Variants in CNTN5 observed in about 807,000 individuals in gnomAD.
CNTN5 encodes contactin-5.
In CNTN5, 77 loss-of-function variants were observed where a neutral mutation model predicts 129.1. The observed-to-expected ratio is 0.60, with a 90% CI of 0.50 to 0.72. The LOEUF (loss-of-function observed/expected upper bound fraction) is 0.72, where lower values mean the gene tolerates loss of function less well. Ranked by LOEUF, CNTN5 falls within the 30% of genes least tolerant of loss-of-function variation. The pLI, the probability that CNTN5 is intolerant of heterozygous loss-of-function variation, is 0.00. For missense variants in CNTN5, 1,478 were observed against 1,328.8 expected (o/e 1.11, Z -1.75); for synonymous variants, 509 against 465.6 (o/e 1.09, Z -1.20).
chr11:99,051,140 C>A (rs1864411596), intron 1 of CNTN5, among the ~76,000 whole-genome samples: 1 of 151,914 alleles, frequency 6.6e-6, no homozygotes, highest in Non-Finnish European at 1.5e-5. Context: ...CTGACTTCAA[C>A]CACATTACTA....
intron 2 of CNTN5, among the ~76,000 whole-genome samples, chr11:99,472,772 G>A (rs530392787): frequency 3.4e-4 from 52 of 152,094 alleles, no homozygotes; most frequent in African/African-American, 1.2e-3. Context: ...GAGTTCAAGC[G>A]ATTCTTATTC....
intron 3 of CNTN5, among the ~76,000 whole-genome samples, chr11:99,758,174 C>A (rs1192809204): frequency 1.3e-5 from 2 of 152,026 alleles, no homozygotes; most frequent in African/African-American, 4.8e-5. Context: ...AAACACTGTC[C>A]TCAAGGTTGA....
At chr11:99,655,599 T>C (rs1952326317) in intron 3 of CNTN5, among the ~76,000 whole-genome samples, 1 of 152,118 alleles carries the variant, frequency 6.6e-6, no homozygotes, top group South Asian at 2.1e-4. Flanking sequence ...TCCCTTGAAC[T>C]GATCTTGGGG....
At chr11:99,826,784 A>G (rs1321688069) in intron 4 of CNTN5, among the ~76,000 whole-genome samples, 1 of 152,210 alleles carries the variant, frequency 6.6e-6, no homozygotes, top group African/African-American at 2.4e-5. Flanking sequence ...CTGTGTTAAC[A>G]GCAAGCCTCC....
At chr11:100,273,437 A>G (rs1950444334) in intron 18 of CNTN5, among the ~76,000 whole-genome samples, 1 of 152,104 alleles carries the variant, frequency 6.6e-6, no homozygotes. Flanking sequence ...ACCGTTGCAG[A>G]CAGAGTCTTA....
intron 2 of CNTN5, among the ~76,000 whole-genome samples, chr11:99,376,936 A>G (rs1473593984): frequency 2.6e-5 from 4 of 152,194 alleles, no homozygotes; most frequent in African/African-American, 9.6e-5. Flanking sequence ...TTTTGCAGGA[A>G]GAGAGACAAT....
chr11:99,327,206 A>T (rs1865822027), intron 2 of CNTN5, among the ~76,000 whole-genome samples: 1 of 152,172 alleles, frequency 6.6e-6, no homozygotes, highest in South Asian at 2.1e-4. Flanking sequence ...AACACAGCAC[A>T]GCAGCTGTAT....
chr11:100,255,734 C>T, intron 16 of CNTN5, 26 bp from the exon 17 acceptor site: 1 of 1,606,158 alleles, frequency 6.2e-7, no homozygotes, highest in South Asian at 1.1e-5. Flanking sequence ...TTGTGCTTAA[C>T]TTTATCCATT....
intron 3 of CNTN5, among the ~76,000 whole-genome samples, chr11:99,730,384 A>G (rs943797340): frequency 2.0e-5 from 3 of 152,208 alleles, no homozygotes; most frequent in African/African-American, 7.2e-5. Flanking sequence ...GAAGACGGAG[A>G]GAATACTATA....
intron 2 of CNTN5, among the ~76,000 whole-genome samples, chr11:99,449,155 AT>A (rs1230040346): frequency 6.6e-6 from 1 of 152,194 alleles, no homozygotes; most frequent in African/African-American, 2.4e-5. Context: ...AGAAAGAGGA[AT>A]AAAAAACTAC....
intron 1 of CNTN5, among the ~76,000 whole-genome samples, chr11:99,240,601 GA>G (rs35516751): frequency 6.6e-6 from 1 of 151,696 alleles, no homozygotes; most frequent in Admixed American, 6.6e-5. Flanking sequence ...AGCTTATTAT[GA>G]AAAAAATTTC....
At chr11:99,642,999 A>G (rs919049933) in intron 3 of CNTN5, among the ~76,000 whole-genome samples, 19 of 152,294 alleles carry the variant, frequency 1.2e-4, no homozygotes, top group African/African-American at 4.6e-4. Flanking sequence ...CCTGATTGAT[A>G]TATATTTAGG....
intron 2 of CNTN5, among the ~76,000 whole-genome samples, chr11:99,366,547 T>G (rs1486706256): frequency 6.6e-6 from 1 of 152,166 alleles, no homozygotes; most frequent in African/African-American, 2.4e-5. Context: ...GTCCTTTCTT[T>G]GACTTTAAAG....
At chr11:99,674,804 T>G (rs1184498953) in intron 3 of CNTN5, among the ~76,000 whole-genome samples, 1 of 152,184 alleles carries the variant, frequency 6.6e-6, no homozygotes, top group East Asian at 1.9e-4. Flanking sequence ...TCCAGTGAAT[T>G]GACAGCAACC....
chr11:99,108,487 G>T (rs1857625381), intron 1 of CNTN5, among the ~76,000 whole-genome samples: 1 of 152,066 alleles, frequency 6.6e-6, no homozygotes, highest in African/African-American at 2.4e-5. Context: ...GTTATTGGGG[G>T]CGTTACTGGA....
chr11:100,107,986 ATTT>A (rs35920036), intron 13 of CNTN5, among the ~76,000 whole-genome samples: 2 of 142,502 alleles, frequency 1.4e-5, no homozygotes. Context: ...AGTGGGGATA[ATTT>A]TTTTTTTTTT....
At chr11:99,299,824 G>A (rs758597910) in intron 1 of CNTN5, among the ~76,000 whole-genome samples, 2 of 152,070 alleles carry the variant, frequency 1.3e-5, no homozygotes, top group Non-Finnish European at 2.9e-5. Flanking sequence ...CATATCATGT[G>A]ACTGCTATTT....
At chr11:99,524,960 TAAC>T (rs1044507434) in intron 2 of CNTN5, among the ~76,000 whole-genome samples, 13 of 152,158 alleles carry the variant, frequency 8.5e-5, no homozygotes, top group African/African-American at 2.9e-4. Flanking sequence ...GAGGCCTTCT[TAAC>T]AACAAGTGAA....
intron 14 of CNTN5, among the ~76,000 whole-genome samples, chr11:100,192,516 C>A (rs766199095): frequency 4.6e-5 from 7 of 151,988 alleles, no homozygotes; most frequent in African/African-American, 1.7e-4. Context: ...TTTCATCAGA[C>A]TGCACTGTCG....
Sources: gnomAD v4.1 joint callset for allele counts (sites outside exome capture counted in the v4.1 genomes callset) on GRCh38, gnomAD v4.1.1 for gene constraint, MANE v1.5 for transcripts, NCBI Gene and HGNC (gene_info 2026-07-23, HGNC 2026-07-21) for gene names.